The following RARB variants were observed in gnomAD, a reference collection of about 807,000 sequenced individuals.
The protein encoded by RARB is retinoic acid receptor beta.
A neutral mutation model predicts 51.9 loss-of-function variants in RARB; 17 were observed. That is an observed-to-expected ratio of 0.33 (90% CI 0.22 to 0.49). The LOEUF is 0.49. Ranked by LOEUF, RARB falls within the 20% of genes least tolerant of loss-of-function variation. The pLI is 0.99. For synonymous variants in RARB, 215 were observed against 195.4 expected (o/e 1.10, Z -0.84); for missense variants, 369 against 550.8 (o/e 0.67, Z 3.30).
intron 5 of RARB, among the ~76,000 whole-genome samples, chr3:25,343,048 G>GTGTGTGTGTGTGTA (rs1705280653): frequency 6.6e-6 from 1 of 151,044 alleles, no homozygotes; most frequent in Non-Finnish European, 1.5e-5. Flanking sequence ...GTGTGTGTGT[G>GTGTGTGTGTGTGTA]TGTGTGTGTG....
At chr3:24,968,069 C>T (rs143167233) in intron 2 of RARB, among the ~76,000 whole-genome samples, 42 of 152,158 alleles carry the variant, frequency 2.8e-4, no homozygotes, top group African/African-American at 5.3e-4. Flanking sequence ...GTTTTCCTAG[C>T]GCATCCAAAG....
At chr3:25,221,710 C>T (rs986702051) in intron 5 of RARB, among the ~76,000 whole-genome samples, 2 of 152,158 alleles carry the variant, frequency 1.3e-5, no homozygotes, top group Non-Finnish European at 2.9e-5. Context: ...CCAAATGCTG[C>T]TTCTAGGAGA....
chr3:25,065,146 AGTCACTTC>A (rs1698636523), intron 3 of RARB, among the ~76,000 whole-genome samples: 1 of 150,818 alleles, frequency 6.6e-6, no homozygotes, highest in Non-Finnish European at 1.5e-5. Flanking sequence ...CAGTTTCTGG[AGTCACTTC>A]TACATTATTG....
At chr3:25,327,969 T>C (rs1704775286) in intron 5 of RARB, among the ~76,000 whole-genome samples, 1 of 152,232 alleles carries the variant, frequency 6.6e-6, no homozygotes, top group Admixed American at 6.5e-5. Flanking sequence ...AGTACACTAG[T>C]TGGCTTTGCA....
chr3:25,501,344 CTT>C (rs1697306209), intron 3 of RARB, 21 bp downstream of exon 3: 1 of 1,605,724 alleles, frequency 6.2e-7, no homozygotes, highest in East Asian at 2.2e-5. Context: ...TCTCAAAAAA[CTT>C]TTTCCCTGTT....
At chr3:24,949,678 T>A (rs1460240285) in intron 2 of RARB, among the ~76,000 whole-genome samples, 3 of 152,242 alleles carry the variant, frequency 2.0e-5, no homozygotes, top group African/African-American at 7.2e-5. Flanking sequence ...CCTTCAATTC[T>A]ATCTAAAATG....
intron 3 of RARB, among the ~76,000 whole-genome samples, chr3:25,568,252 G>C (rs1299724950): frequency 1.3e-5 from 2 of 152,212 alleles, no homozygotes; most frequent in Non-Finnish European, 2.9e-5. Context: ...AAGTAAGTGA[G>C]TCCAAGTGAG....
intron 5 of RARB, among the ~76,000 whole-genome samples, chr3:25,366,183 A>G (rs1003222483): frequency 1.3e-5 from 2 of 152,186 alleles, no homozygotes; most frequent in Non-Finnish European, 2.9e-5. Context: ...GCCTTGTAAT[A>G]TGGGTGTTGT....
chr3:25,553,691 T>A lies in RARB; in HGVS notation c.449-16067T>A, dbSNP rs377559092. Among the ~76,000 whole-genome samples the A allele has an allele frequency of 2.0e-5, 3 of 152,306 alleles. No individual in the cohort carries two copies. The East Asian group carries it at 5.8e-4, about 29-fold the overall frequency. On this transcript the variant is annotated intron_variant, in intron 3 of 7. Coordinates refer to ENST00000330688, the MANE Select transcript of RARB (RefSeq NM_000965.5). Reference sequence around the variant, plus strand: ...TTGGCGTGCATCTGTTGAACACATTTGTATGGATTGTCACTGGGTCTTCGC... The same window carrying A: ...TTGGCGTGCATCTGTTGAACACATTAGTATGGATTGTCACTGGGTCTTCGC...
At chr3:25,168,935 A>G (rs1700600489) in intron 4 of RARB, among the ~76,000 whole-genome samples, 1 of 152,242 alleles carries the variant, frequency 6.6e-6, no homozygotes, top group Non-Finnish European at 1.5e-5. Flanking sequence ...GAGATTAAAG[A>G]GAAGAGTACA....
intron 4 of RARB, among the ~76,000 whole-genome samples, chr3:25,153,957 A>G (rs943471405): frequency 6.6e-6 from 1 of 152,238 alleles, no homozygotes; most frequent in Non-Finnish European, 1.5e-5. Flanking sequence ...CTTCTGAAGA[A>G]TATGTTGTCT....
At chr3:25,341,096 G>A (rs1340516621) in intron 5 of RARB, among the ~76,000 whole-genome samples, 1 of 152,142 alleles carries the variant, frequency 6.6e-6, no homozygotes, top group Non-Finnish European at 1.5e-5. Context: ...ACTCAACTTT[G>A]CCTCTACAGC....
intron 5 of RARB, among the ~76,000 whole-genome samples, chr3:25,323,461 C>T (rs560734920): frequency 5.3e-5 from 8 of 152,212 alleles, no homozygotes; most frequent in Non-Finnish European, 7.3e-5. Flanking sequence ...ACATAGTAAT[C>T]TGAGTGACTG....
At chr3:25,592,384 A>G (rs1701645518) in intron 5 of RARB, among the ~76,000 whole-genome samples, 1 of 152,190 alleles carries the variant, frequency 6.6e-6, no homozygotes, top group Non-Finnish European at 1.5e-5. Flanking sequence ...TCTGTGCTTC[A>G]AGCAGCTCTG....
chr3:25,147,086 T>C lies in RARB; in HGVS notation c.-280+14878T>C, dbSNP rs1700205723. ...TCTAGTGAGCAGCCAGGGTGGGGAA[T>C]AGATGTTAGTGTTTCTAAACTCACG... On this transcript the variant is annotated intron_variant, in intron 4 of 11. Coordinates refer to the RARB transcript ENST00000383772. 3.3e-5 allele frequency among the ~76,000 whole-genome samples: 5 copies of C among 152,172 alleles called. No individual in the cohort carries two copies. In the South Asian group the frequency reaches 1.0e-3, roughly 32 times the overall value.
chr3:25,320,028 CT>C (rs113901586), intron 5 of RARB, among the ~76,000 whole-genome samples: 231 of 142,316 alleles, frequency 1.6e-3, no homozygotes, highest in Admixed American at 1.5e-3. Context: ...TAAGGATCAT[CT>C]TTTTTTTTTT....
At chr3:25,464,803 T>C (rs375530288) in intron 2 of RARB, among the ~76,000 whole-genome samples, 25 of 152,278 alleles carry the variant, frequency 1.6e-4, no homozygotes, top group East Asian at 1.3e-3. Context: ...TGTAAGTATA[T>C]GCATATTGTT....
At chr3:24,981,652 T>C (rs536511817) in intron 2 of RARB, among the ~76,000 whole-genome samples, 4 of 152,222 alleles carry the variant, frequency 2.6e-5, no homozygotes, top group Admixed American at 6.5e-5. Context: ...AGCATAGTAT[T>C]TGGGCAGGAG....
intron 5 of RARB, among the ~76,000 whole-genome samples, chr3:25,266,267 G>A (rs148643259): frequency 2.0e-5 from 3 of 151,914 alleles, no homozygotes; most frequent in African/African-American, 7.2e-5. Flanking sequence ...CAACAATAGG[G>A]GTTCTAGCCC....
Sources: gnomAD v4.1 joint callset for allele counts (sites outside exome capture counted in the v4.1 genomes callset) on GRCh38, gnomAD v4.1.1 for gene constraint, MANE v1.5 for transcripts, NCBI Gene and HGNC (gene_info 2026-07-23, HGNC 2026-07-21) for gene names.